BNIP5: variants seen among roughly 807,000 people sequenced by gnomAD.
BNIP5 encodes the protein BCL2 interacting protein 5.
In BNIP5, 61 loss-of-function variants were observed where a neutral mutation model predicts 67.3. The observed-to-expected ratio is 0.91, with a 90% confidence interval of 0.74 to 1.12. The LOEUF is 1.12. Ranked by LOEUF, BNIP5 falls within the 50% of genes most tolerant of loss-of-function variation. The pLI, the probability that BNIP5 is intolerant of heterozygous loss-of-function variation, is 0.00. For synonymous variants in BNIP5, 317 were observed against 319.0 expected, an observed-to-expected ratio of 0.99 and a Z score of 0.07; for missense variants, 826 against 816.3, an observed-to-expected ratio of 1.01 and a Z score of -0.14.
intron 1 of BNIP5, among the ~76,000 whole-genome samples, chr6:36,334,365 T>A (rs921951538): frequency 6.6e-6 from 1 of 152,162 alleles, no homozygotes; most frequent in Non-Finnish European, 1.5e-5. Flanking sequence ...TTCCAGGGTC[T>A]CCCAAGGTTT....
In BNIP5 at chr6:36,317,281, C is replaced by A; in HGVS notation, c.*75G>T. 1 of 1,148,096 alleles carries A rather than the reference C, an allele frequency of 8.7e-7. No individual in the cohort carries two copies. The highest frequency in any genetic ancestry group is 1.3e-6 in the Non-Finnish European group (1 of 754,248). 71.1% of individuals were successfully genotyped at this position (1,148,096 alleles called of 1,614,324 possible). A position where few individuals can be genotyped will look rare whatever the true frequency, so the allele number is the denominator to read the frequency against. ...AAGCAGGGATTGGGACATCACAGAGCATCTTCAGGGTCTCCTGGCTAAAGC... is the reference window on the plus strand; with the variant it reads ...AAGCAGGGATTGGGACATCACAGAGAATCTTCAGGGTCTCCTGGCTAAAGC... On this transcript the variant is annotated 3_prime_UTR_variant, in exon 12 of 12. Coordinates refer to ENST00000437635, the MANE Select transcript of BNIP5 (RefSeq NM_001010903.5).
In BNIP5 at chr6:36,336,788, C is replaced by G. The variant is rs1772024672; in HGVS notation, c.-81G>C. The G allele has an allele frequency of 6.6e-6, 1 of 152,286 alleles. No homozygotes were observed. Among genetic ancestry groups the G allele is most frequent in the Admixed American group, 6.5e-5 (1 of 15,288 alleles). The allele number at this position is 152,286 out of a possible 1,614,324, so 9.4% of individuals were successfully genotyped here. ...AGACAAGAGGTCTCTGTGTTAGGCT[C>G]TGCTCCCTGTCAGCTGGAAGTTGTG... On this transcript the variant is annotated 5_prime_UTR_variant, in exon 1 of 12. Coordinates refer to ENST00000437635, the MANE Select transcript of BNIP5 (RefSeq NM_001010903.5).
intron 5 of BNIP5, among the ~76,000 whole-genome samples, chr6:36,326,301 G>T (rs1198231173): frequency 6.6e-6 from 1 of 152,240 alleles, no homozygotes; most frequent in African/African-American, 2.4e-5. Flanking sequence ...TATTGGGGTT[G>T]CCTAGAGCTC....
At chr6:36,322,477 G>A (rs1487126169) in intron 8 of BNIP5, 35 bp from the exon 9 acceptor site, 2 of 1,598,516 alleles carry the variant, frequency 1.3e-6, no homozygotes, top group Non-Finnish European at 1.7e-6. Flanking sequence ...GTGTTTTGCA[G>A]AGAGCTGAAT....
intron 9 of BNIP5, 83 bp downstream of exon 9, chr6:36,322,228 C>T: frequency 1.3e-6 from 2 of 1,551,580 alleles, no homozygotes; most frequent in Admixed American, 3.3e-5. Context: ...TTCCTCAGAA[C>T]CATCCCCTAT....
rs16887948 is a variant in BNIP5 at position 36,336,064 on chromosome 6, C to T, written c.-5+648G>A. 7.6e-3 allele frequency among the ~76,000 whole-genome samples: 1,155 copies of T among 152,214 alleles called. 7 individuals carry two copies. Among genetic ancestry groups the T allele is most frequent in the Middle Eastern group, 0.024 (7 of 294 alleles). On this transcript the variant is annotated intron_variant, in intron 1 of 11. Transcript: ENST00000437635. ...CCATTCTGTCCTCTATCCAAGACCA[C>T]GGGCAATGCAACACTGTGTGAGGAG... is the stretch of plus-strand genomic sequence containing the variant.
rs1771857528 is a variant in BNIP5 at position 36,330,155 on chromosome 6, C to T, written c.536G>A (p.Gly179Asp). ...TGCCTTGGACAACCCTTCCTCTCGG[C>T]CTCTGGCCTCCTGGTCTTGAGCTGC... ...TKAAQDQEAR[G>D]REEGLSKAAA... The change falls in exon 2 of 12, where the codon GGC becomes GAC. Residue 179 changes from glycine to aspartate, a missense_variant. Transcript: ENST00000437635. 1 of 1,613,622 alleles carries T rather than the reference C, an allele frequency of 6.2e-7. No homozygotes were observed. Among genetic ancestry groups the T allele is most frequent in the African/African-American group, 1.3e-5 (1 of 74,926 alleles).
intron 1 of BNIP5, among the ~76,000 whole-genome samples, chr6:36,331,346 T>C (rs1771902599): frequency 6.6e-6 from 1 of 152,216 alleles, no homozygotes; most frequent in Non-Finnish European, 1.5e-5. Flanking sequence ...CACCTAGGTT[T>C]TAGTCTATCG....
intron 3 of BNIP5, among the ~76,000 whole-genome samples, chr6:36,327,678 G>A (rs898347963): frequency 3.3e-5 from 5 of 152,234 alleles, no homozygotes; most frequent in African/African-American, 1.2e-4. Flanking sequence ...ATGTCTGCAC[G>A]GAGAAGCCAC....
intron 9 of BNIP5, among the ~76,000 whole-genome samples, chr6:36,321,712 T>G (rs377344837): frequency 6.6e-6 from 1 of 152,222 alleles, no homozygotes; most frequent in Non-Finnish European, 1.5e-5. Flanking sequence ...ATTTGTGGAC[T>G]AGTTGTTTTG....
At chr6:36,319,756 G>C (rs1771596413) in intron 10 of BNIP5, 146 bp from the exon 11 acceptor site, 1 of 912,858 alleles carries the variant, frequency 1.1e-6, no homozygotes. Flanking sequence ...ACTGCCCCTA[G>C]CCTCTCAGAA....
At position 36,329,549 on chromosome 6, in the gene BNIP5, A is replaced by G. The variant is rs989682495; in HGVS notation, c.610+532T>C. ...CAGTGGGCCGGGCGTGGTGGCTCAC[A>G]CCTGTAATCCCAGCACACTAGGGGG... On this transcript the variant is annotated intron_variant, in intron 2 of 11. Transcript: ENST00000437635. Among the ~76,000 whole-genome samples the G allele has an allele frequency of 2.0e-5, 3 of 152,052 alleles. No individual in the cohort carries two copies. In the East Asian group the frequency reaches 5.8e-4, roughly 29 times the overall value.
At chr6:36,331,611 G>A (rs915644963) in intron 1 of BNIP5, among the ~76,000 whole-genome samples, 12 of 152,242 alleles carry the variant, frequency 7.9e-5, no homozygotes, top group South Asian at 2.1e-4. Flanking sequence ...AGGCAGCTCC[G>A]TCAGTGGCAA....
intron 9 of BNIP5, 84 bp downstream of exon 9, chr6:36,322,227 A>G: frequency 6.5e-7 from 1 of 1,550,038 alleles, no homozygotes; most frequent in Middle Eastern, 1.8e-4. Flanking sequence ...CTTCCTCAGA[A>G]CCATCCCCTA....
chr6:36,329,536 C>G (rs572546587), intron 2 of BNIP5, among the ~76,000 whole-genome samples: 2 of 152,120 alleles, frequency 1.3e-5, no homozygotes, highest in Non-Finnish European at 2.9e-5. Context: ...GTGGGCCGGG[C>G]GTGGTGGCTC....
chr6:36,322,583 G>A, intron 8 of BNIP5, 141 bp from the exon 9 acceptor site: 1 of 899,630 alleles, frequency 1.1e-6, no homozygotes, highest in Non-Finnish European at 1.7e-6. Flanking sequence ...CTCTGCCTCA[G>A]AGGAGTTCGT....
In BNIP5 at chr6:36,319,558, G is replaced by A. The variant is rs1460800400; in HGVS notation, c.1721C>T (p.Ser574Phe). The A allele has an allele frequency of 6.2e-7, 1 of 1,614,138 alleles. No homozygotes were observed. Among genetic ancestry groups the A allele is most frequent in the Admixed American group, 1.7e-5 (1 of 60,030 alleles). The change falls in exon 11 of 12, where the codon TCC (serine) becomes TTC (phenylalanine). Residue 574 changes from serine (S) to phenylalanine (F), a missense_variant. Coordinates refer to ENST00000437635, the MANE Select transcript of BNIP5 (RefSeq NM_001010903.5). ...KRFFYEFSDS[S>F]LSKLVATLRS... ...CAGGGTGGCTACCAGCTTGCTGAGG[G>A]AGGAGTCCGAGAACTCGTAAAAAAA...
chr6:36,329,486 G>A (rs771093595), intron 2 of BNIP5, among the ~76,000 whole-genome samples: 11 of 152,142 alleles, frequency 7.2e-5, no homozygotes, highest in African/African-American at 2.2e-4. Context: ...TCCCTGGAGC[G>A]CTCAGCCACG....
In BNIP5 at chr6:36,316,575, A is replaced by G. The variant is rs888514057; in HGVS notation, c.*781T>C. On this transcript the variant is annotated 3_prime_UTR_variant, in exon 12 of 12. Transcript: ENST00000437635. ...GCAACAATCCATGGCAGTCCAGCCCATTGAAGCCCTCCTCCACTTCCTGAA... is the reference window on the plus strand; with the variant it reads ...GCAACAATCCATGGCAGTCCAGCCCGTTGAAGCCCTCCTCCACTTCCTGAA... 1.4e-4 allele frequency: 55 copies of G among 398,728 alleles called. No individual in the cohort carries two copies. Among genetic ancestry groups the G allele is most frequent in the African/African-American group, 9.8e-4 (48 of 48,762 alleles). The allele number at this position is 398,728 out of a possible 1,614,324, so 24.7% of individuals were successfully genotyped here. A position where few individuals can be genotyped will look rare whatever the true frequency, so the allele number is the denominator to read the frequency against.
Sources: gnomAD v4.1 joint callset for allele counts (sites outside exome capture counted in the v4.1 genomes callset) on GRCh38, gnomAD v4.1.1 for gene constraint, MANE v1.5 for transcripts, NCBI Gene and HGNC (gene_info 2026-07-23, HGNC 2026-07-21) for gene names.